The following XKR9 variants were observed in gnomAD, a reference collection of about 807,000 sequenced individuals.
The protein encoded by XKR9 is XK-related protein 9.
A neutral mutation model predicts 32.0 loss-of-function variants in XKR9; 32 were observed. The observed-to-expected ratio is 1.00, with a 90% CI of 0.76 to 1.34. The LOEUF (loss-of-function observed/expected upper bound fraction) is 1.34. XKR9 is among the 40% of genes most tolerant of loss of function. The pLI, the probability that XKR9 is intolerant of heterozygous loss-of-function variation, is 0.00. For synonymous variants in XKR9, 168 were observed against 143.4 expected, an observed-to-expected ratio of 1.17 and a Z score of -1.22; for missense variants, 546 against 429.7, an observed-to-expected ratio of 1.27 and a Z score of -2.39.
chr8:71,027,057 G>T, the XKR9 span, among the ~76,000 whole-genome samples: 1 of 152,076 alleles, frequency 6.6e-6, no homozygotes, highest in Admixed American at 6.6e-5. Context: ...AAATATGCTT[G>T]CATTTAGGGC....
chr8:71,018,273 C>CT, the XKR9 span, among the ~76,000 whole-genome samples: 3 of 151,952 alleles, frequency 2.0e-5, no homozygotes, highest in African/African-American at 7.3e-5. Flanking sequence ...TACAGATAAT[C>CT]TTTTTAAGAT....
chr8:70,936,163 C>T, the XKR9 span, among the ~76,000 whole-genome samples: 2 of 152,010 alleles, frequency 1.3e-5, no homozygotes, highest in Admixed American at 1.3e-4. Flanking sequence ...GAAATGATAA[C>T]TGAAACCTTG....
chr8:70,754,552 G>A (rs1279181969), intron 2 of XKR9, among the ~76,000 whole-genome samples: 3 of 104,020 alleles, frequency 2.9e-5, no homozygotes, highest in Non-Finnish European at 7.2e-5. Context: ...GCATGGTACT[G>A]GTACCAAAAC....
At chr8:70,775,065 A>G (rs1807501286) in intron 2 of XKR9, among the ~76,000 whole-genome samples, 1 of 152,086 alleles carries the variant, frequency 6.6e-6, no homozygotes, top group Non-Finnish European at 1.5e-5. Context: ...ATTTATCCCT[A>G]AATATCTCAT....
At chr8:70,847,569 A>G in the XKR9 span, among the ~76,000 whole-genome samples, 1 of 151,890 alleles carries the variant, frequency 6.6e-6, no homozygotes, top group Non-Finnish European at 1.5e-5. Context: ...AAATTGAGAA[A>G]TGTTTGGATA....
At chr8:70,740,859 G>A (rs951054003), downstream of XKR9, among the ~76,000 whole-genome samples, 2 of 152,214 alleles carry the variant, frequency 1.3e-5, no homozygotes, top group African/African-American at 4.8e-5. Context: ...GGCCGTGTGA[G>A]GTGTCAGTCT....
chr8:70,794,798 C>T (rs979764796), downstream of XKR9, among the ~76,000 whole-genome samples: 10 of 142,448 alleles, frequency 7.0e-5, no homozygotes, highest in South Asian at 4.3e-4. Flanking sequence ...TATATTCGTA[C>T]GATATAATTG....
the XKR9 span, among the ~76,000 whole-genome samples, chr8:70,815,650 C>T: frequency 1.3e-5 from 2 of 151,856 alleles, no homozygotes; most frequent in Non-Finnish European, 2.9e-5. Flanking sequence ...CTCAGCCTCC[C>T]GAGTAGCTGG....
the XKR9 span, among the ~76,000 whole-genome samples, chr8:70,874,127 C>G: frequency 6.6e-6 from 1 of 152,088 alleles, no homozygotes; most frequent in Non-Finnish European, 1.5e-5. Flanking sequence ...ACTTAATAGA[C>G]CACAGTATAG....
At chr8:71,029,474 G>A in the XKR9 span, among the ~76,000 whole-genome samples, 7 of 152,130 alleles carry the variant, frequency 4.6e-5, no homozygotes, top group Admixed American at 2.6e-4. Context: ...CTGGAACCTA[G>A]ATGGTATTTC....
chr8:70,943,612 C>CT, the XKR9 span, among the ~76,000 whole-genome samples: 1 of 151,922 alleles, frequency 6.6e-6, no homozygotes, highest in African/African-American at 2.4e-5. Context: ...GGTAATAGGT[C>CT]TTTTTTACTC....
At chr8:70,880,170 C>T in the XKR9 span, among the ~76,000 whole-genome samples, 1 of 152,156 alleles carries the variant, frequency 6.6e-6, no homozygotes, top group African/African-American at 2.4e-5. Flanking sequence ...CAATATCATA[C>T]TGAATGGGCA....
chr8:70,993,613 C>A, the XKR9 span, among the ~76,000 whole-genome samples: 2 of 61,662 alleles, frequency 3.2e-5, no homozygotes, highest in Non-Finnish European at 6.5e-5. Flanking sequence ...TTCCTTCCTT[C>A]CTTCCTTCCT....
intron 2 of XKR9, among the ~76,000 whole-genome samples, chr8:70,758,661 T>A (rs944493357): frequency 1.3e-5 from 2 of 152,244 alleles, no homozygotes; most frequent in African/African-American, 4.8e-5. Flanking sequence ...GCAACGTTTT[T>A]GTCGTTCACA....
chr8:70,975,674 G>A, the XKR9 span, among the ~76,000 whole-genome samples: 56 of 152,264 alleles, frequency 3.7e-4, no homozygotes, highest in East Asian at 3.3e-3. Flanking sequence ...GTCAGGTAGC[G>A]CGATGCCTCT....
downstream of XKR9, among the ~76,000 whole-genome samples, chr8:70,791,607 T>C (rs554647683): frequency 2.6e-5 from 4 of 152,164 alleles, no homozygotes; most frequent in South Asian, 8.3e-4. Flanking sequence ...TTTCTTTCTC[T>C]TTCCCCCACC....
the XKR9 span, among the ~76,000 whole-genome samples, chr8:70,852,485 A>T: frequency 6.6e-6 from 1 of 152,052 alleles, no homozygotes; most frequent in Non-Finnish European, 1.5e-5. Flanking sequence ...TATATAAAGG[A>T]TTATAAAGAA....
chr8:71,025,641 G>T, the XKR9 span, among the ~76,000 whole-genome samples: 2 of 152,152 alleles, frequency 1.3e-5, no homozygotes, highest in Non-Finnish European at 2.9e-5. Context: ...CTCCCTGATG[G>T]AGAAAAGCCT....
the XKR9 span, among the ~76,000 whole-genome samples, chr8:70,868,333 C>G: frequency 6.6e-6 from 1 of 151,996 alleles, no homozygotes; most frequent in Non-Finnish European, 1.5e-5. Flanking sequence ...CATGAGGGCC[C>G]CACTCCTGCA....
Sources: gnomAD v4.1 joint callset for allele counts (sites outside exome capture counted in the v4.1 genomes callset) on GRCh38, gnomAD v4.1.1 for gene constraint, MANE v1.5 for transcripts, NCBI Gene and HGNC (gene_info 2026-07-23, HGNC 2026-07-21) for gene names.